The following NCAPD2 variants were observed in gnomAD, a reference collection of about 807,000 sequenced individuals.
NCAPD2 encodes condensin complex subunit 1.
A neutral mutation model predicts 164.5 loss-of-function variants in NCAPD2; 100 were observed. The ratio of observed to expected loss-of-function variants is 0.61; its 90% confidence interval spans 0.52 to 0.72. NCAPD2 has a LOEUF of 0.72. Ranked by LOEUF, NCAPD2 falls within the 30% of genes least tolerant of loss-of-function variation. NCAPD2 has a pLI of 0.00. For synonymous variants in NCAPD2, 585 were observed against 642.6 expected (o/e 0.91, Z 1.36); for missense variants, 1,560 against 1,749.2 (o/e 0.89, Z 1.93).
At chr12:6,510,877 G>C (rs1946140222) in intron 5 of NCAPD2, 67 bp downstream of exon 5, 1 of 1,532,104 alleles carries the variant, frequency 6.5e-7, no homozygotes, top group Admixed American at 1.9e-5. Flanking sequence ...TGGAAAAGAA[G>C]GGAATCCAAT....
chr12:6,531,493 T>C lies in NCAPD2; in HGVS notation c.*81T>C. 2 of 1,563,110 alleles carry C rather than the reference T, an allele frequency of 1.3e-6. No individual in the cohort carries two copies. The highest frequency in any genetic ancestry group is 1.4e-5 in the African/African-American group (1 of 72,312). ...GAATTCTGTTTCCCTTGTAAAATAT[T>C]TGTCTGTCTCTTTTTTTTAAAAAAA... On this transcript the variant is annotated 3_prime_UTR_variant, in exon 32 of 32. Coordinates refer to ENST00000315579, the MANE Select transcript of NCAPD2 (RefSeq NM_014865.4). The surrounding 1 kb of genome is among the most constrained non-coding windows in gnomAD (Gnocchi z 4.1).
rs983699259 is a variant in NCAPD2 at position 6,530,784 on chromosome 12, C to T, written c.3931C>T (p.Gln1311Ter). 1.2e-6 allele frequency: 2 copies of T among 1,614,178 alleles called. No homozygotes were observed. The highest frequency in any genetic ancestry group is 1.1e-5 in the South Asian group (1 of 91,082). ...KELEIGQAGS[Q>*]RAPSAKKPST... is the part of the protein sequence containing the mutation. ...GCTTGAGATTGGCCAAGCAGGTAGC[C>T]AGAGAGCGCCATCAGCCAAGAAACC... Residue 1311 changes from glutamine (Q) to a stop codon, truncating the protein, a stop_gained, in exon 30 of 32, where the codon CAG (glutamine) becomes TAG (stop). Transcript: ENST00000315579. LOFTEE classifies it high-confidence loss of function.
intron 13 of NCAPD2, among the ~76,000 whole-genome samples, chr12:6,520,329 T>C (rs1256325236): frequency 1.3e-5 from 2 of 151,838 alleles, no homozygotes; most frequent in Non-Finnish European, 2.9e-5. Context: ...GCAGCTTTGA[T>C]CTCCCAGGCT....
chr12:6,515,069 A>T, intron 9 of NCAPD2, 149 bp downstream of exon 9: 1 of 807,048 alleles, frequency 1.2e-6, no homozygotes, highest in East Asian at 2.6e-5. Flanking sequence ...GAAGCAGGTC[A>T]AGTTTGTTGA....
Position 6,530,816 on chromosome 12 carries a change from T to C in NCAPD2, c.3963T>C (p.Thr1321=). 1 of 1,614,210 alleles carries C rather than the reference T, an allele frequency of 6.2e-7. No homozygotes were observed. Among genetic ancestry groups the C allele is most frequent in the Non-Finnish European group, 8.5e-7 (1 of 1,180,050 alleles). Residue 1321 remains threonine (T), a splice_region_variant and synonymous_variant, in exon 30 of 32, where the codon ACT becomes ACC. Coordinates refer to ENST00000315579, the MANE Select transcript of NCAPD2 (RefSeq NM_014865.4). ...CGCCATCAGCCAAGAAACCATCCAC[T>C]GGTACGTAAGGCAGCCTGTGCGGGC... ...QRAPSAKKPS[T]GSRYQPLAST... is the part of the protein sequence containing the mutation.
rs147656435 is a variant in NCAPD2, at chr12:6,527,022, C to T, written c.2866C>T (p.Arg956Trp). The change falls in exon 22 of 32, where the codon CGG becomes TGG. Residue 956 changes from arginine (R) to tryptophan (W), a missense_variant. Physicochemically the swap from Arg to Trp is moderately radical, Grantham distance 101. Coordinates refer to ENST00000315579, the MANE Select transcript of NCAPD2 (RefSeq NM_014865.4). ...SGELCRRRVL[R>W]EEQEHKTKDP... ...AGAGCTCTGCCGGCGCCGAGTTCTC[C>T]GGGAAGAACAGGAGCACAAGACCAA... is the stretch of plus-strand genomic sequence containing the variant. 267 of 1,613,634 alleles carry T rather than the reference C, an allele frequency of 1.7e-4. 3 individuals carry two copies. Among genetic ancestry groups the T allele is most frequent in the Non-Finnish European group, 3.9e-5 (46 of 1,179,830 alleles).
Position 6,514,779 on chromosome 12 carries a change from T to G in NCAPD2, c.846T>G (p.Ile282Met), listed in dbSNP as rs1324618252. The G allele has an allele frequency of 1.2e-6, 2 of 1,614,220 alleles. No individual in the cohort carries two copies. The highest frequency in any genetic ancestry group is 2.2e-5 in the South Asian group (2 of 91,086). ...KSIVGEIVRE[I>M]GQKCPQELSR... ...TGTTTTCTTCCCTGTGTAGAGAGAT[T>G]GGACAAAAGTGTCCCCAAGAGCTGA... The change falls in exon 9 of 32, where the codon ATT (isoleucine) becomes ATG (methionine). Residue 282 changes from isoleucine to methionine, a missense_variant. By Grantham distance (10) the Ile-to-Met change is conservative. Transcript: ENST00000315579.
intron 2 of NCAPD2, among the ~76,000 whole-genome samples, chr12:6,504,041 C>T (rs1180821572): frequency 2.0e-5 from 3 of 151,656 alleles, no homozygotes; most frequent in Non-Finnish European, 4.4e-5. Context: ...CCATTAGACT[C>T]CACCTTCCAA....
chr12:6,494,614 T>G (rs1039710970), intron 1 of NCAPD2, among the ~76,000 whole-genome samples: 1 of 152,242 alleles, frequency 6.6e-6, no homozygotes, highest in Non-Finnish European at 1.5e-5. Context: ...TCAGACGAGA[T>G]CAGACCATTC....
chr12:6,527,198 C>G, intron 22 of NCAPD2, 135 bp downstream of exon 22: 1 of 958,600 alleles, frequency 1.0e-6, no homozygotes, highest in Non-Finnish European at 1.5e-6. Flanking sequence ...TGGCTACTAC[C>G]GTAGGAAAGG....
chr12:6,524,755 A>C (rs1388109810), intron 17 of NCAPD2, among the ~76,000 whole-genome samples: 1 of 152,082 alleles, frequency 6.6e-6, no homozygotes, highest in African/African-American at 2.4e-5. Context: ...CTAGGACTTT[A>C]ACTGTGTTAG....
In NCAPD2 at chr12:6,526,625, C is replaced by T. The variant is rs1381894311; in HGVS notation, c.2734+10C>T. 6.2e-7 allele frequency: 1 copy of T among 1,611,176 alleles called. No individual in the cohort carries two copies. The highest frequency in any genetic ancestry group is 8.5e-7 in the Non-Finnish European group (1 of 1,177,946). On this transcript the variant is annotated intron_variant, in intron 21 of 31. Coordinates refer to ENST00000315579, the MANE Select transcript of NCAPD2 (RefSeq NM_014865.4). ...AGTCAGGAGGACCCGAGTAAGTGGG[C>T]AGGGGTTGACCCACTGCGGCAGCCA...
chr12:6,529,539 A>G lies in NCAPD2; in HGVS notation c.3599A>G (p.Asp1200Gly), dbSNP rs200410385. The G allele has an allele frequency of 4.3e-6, 7 of 1,614,064 alleles. No individual in the cohort carries two copies. In the African/African-American group the frequency reaches 8.0e-5, roughly 18 times the overall value. ...CAGCTCCTCTCCTACATCACCAAGG[A>G]CAAGCAGACAGAGAGCCTGGTGGAA... ...MKQLLSYITK[D>G]KQTESLVEKL... is the part of the protein sequence containing the mutation. Residue 1200 changes from aspartate to glycine, a missense_variant, in exon 28 of 32, where the codon GAC (aspartate) becomes GGC (glycine). By Grantham distance (94) the Asp-to-Gly change is moderately conservative (BLOSUM62 -1). Transcript: ENST00000315579.
At chr12:6,520,351 C>T (rs1221627648) in intron 13 of NCAPD2, among the ~76,000 whole-genome samples, 1 of 151,854 alleles carries the variant, frequency 6.6e-6, no homozygotes, top group African/African-American at 2.4e-5. Flanking sequence ...AAGTGATCCT[C>T]CCACCTCAGC....
At chr12:6,516,728 G>A in intron 9 of NCAPD2, 100 bp from the exon 10 acceptor site, 1 of 1,119,498 alleles carries the variant, frequency 8.9e-7, no homozygotes, top group Non-Finnish European at 1.3e-6. Flanking sequence ...TGTGACCTTG[G>A]GAGTGAATAC....
intron 17 of NCAPD2, 52 bp downstream of exon 17, chr12:6,523,398 G>GTTT (rs3076239): frequency 0.083 from 71,581 of 857,944 alleles, 1,038 homozygotes; most frequent in African/African-American, 0.13. Context: ...TATTTTGGTT[G>GTTT]TTTTTTTTTT....
chr12:6,511,834 A>G (rs1946150850), intron 6 of NCAPD2, among the ~76,000 whole-genome samples: 1 of 151,670 alleles, frequency 6.6e-6, no homozygotes, highest in Non-Finnish European at 1.5e-5. Flanking sequence ...AAATATGAAA[A>G]TTAGCTGTGC....
In NCAPD2 at chr12:6,517,022, G is replaced by T; in HGVS notation, c.1182G>T (p.Gln394His). The part of the protein sequence containing the change: ...VLQLFTRIVQ[Q>H]KALPLTRFQA... ...AGCTCTTCACCCGAATTGTCCAGCA[G>T]AAGGTAACCAACTTCTATGTGGCAA... Residue 394 changes from glutamine to histidine, a missense_variant, in exon 10 of 32, where the codon CAG becomes CAT. Transcript: ENST00000315579. 6.2e-7 allele frequency: 1 copy of T among 1,614,162 alleles called. No individual in the cohort carries two copies. The highest frequency in any genetic ancestry group is 1.7e-5 in the Admixed American group (1 of 60,020).
Position 6,511,272 on chromosome 12 carries a change from A to G in NCAPD2, c.587+20A>G. ...TGTCAGGTGGGTAGGGAGGATGGCT[A>G]CAGATAATACTGAGCTGTGAGAGTG... On this transcript the variant is annotated intron_variant, in intron 6 of 31. Transcript: ENST00000315579. 5.6e-6 allele frequency: 9 copies of G among 1,613,176 alleles called. No individual in the cohort carries two copies. Among genetic ancestry groups the G allele is most frequent in the Non-Finnish European group, 5.9e-6 (7 of 1,179,600 alleles).
Sources: allele counts gnomAD v4.1 joint callset (sites outside exome capture counted in the v4.1 genomes callset), GRCh38; gene constraint gnomAD v4.1.1; non-coding constraint Gnocchi (gnomAD v3.1); transcripts MANE v1.5; gene names NCBI Gene and HGNC (gene_info 2026-07-23, HGNC 2026-07-21).